The following PSD3 variants were observed in gnomAD, a reference collection of about 807,000 sequenced individuals.
PSD3 encodes the protein pleckstrin and Sec7 domain containing 3, also known as PH and SEC7 domain-containing protein 3.
A neutral mutation model predicts 105.5 loss-of-function variants in PSD3; 49 were observed. The observed-to-expected ratio is 0.46, with a 90% CI of 0.37 to 0.59. The LOEUF (loss-of-function observed/expected upper bound fraction) is 0.59. PSD3 is among the 20% of genes least tolerant of loss of function. The pLI is 0.00. For synonymous variants in PSD3, 557 were observed against 457.8 expected, an observed-to-expected ratio of 1.22 and a Z score of -2.77; for missense variants, 1,561 against 1,263.8, an observed-to-expected ratio of 1.24 and a Z score of -3.57.
chr8:18,882,822 A>G lies in PSD3; in HGVS notation c.131-10089T>C, dbSNP rs371855922. On this transcript the variant is annotated intron_variant, in intron 2 of 15. Coordinates refer to ENST00000327040, the MANE Select transcript of PSD3 (RefSeq NM_015310.4). ...CAGATATATGGATATATATATACAT[A>G]TATATAGCTTATGTAGATATATATA... Among the ~76,000 whole-genome samples, 86 of 147,312 alleles carry G rather than the reference A, an allele frequency of 5.8e-4. 2 individuals carry two copies. The South Asian group carries it at 0.017, about 29-fold the overall frequency.
intron 9 of PSD3, among the ~76,000 whole-genome samples, chr8:18,727,919 C>T (rs1264567877): frequency 2.0e-5 from 3 of 152,038 alleles, no homozygotes; most frequent in Non-Finnish European, 2.9e-5. Context: ...TATATTTAAC[C>T]CATTTTTATC....
intron 8 of PSD3, among the ~76,000 whole-genome samples, chr8:18,779,796 G>A (rs185310657): frequency 5.3e-5 from 8 of 152,064 alleles, no homozygotes; most frequent in African/African-American, 1.7e-4. Context: ...GAGAAGATAC[G>A]TGATATTATT....
chr8:18,779,899 C>T (rs1210428964), intron 8 of PSD3, among the ~76,000 whole-genome samples: 2 of 152,154 alleles, frequency 1.3e-5, no homozygotes, highest in Non-Finnish European at 2.9e-5. Flanking sequence ...TGTTCTGTAG[C>T]TGTTGGACAA....
chr8:18,927,620 T>G (rs999305621), intron 2 of PSD3, among the ~76,000 whole-genome samples: 3 of 152,238 alleles, frequency 2.0e-5, no homozygotes, highest in Non-Finnish European at 4.4e-5. Flanking sequence ...ACTGCTGCTG[T>G]GTAGCCACTG....
chr8:18,862,027 C>T (rs562118402), intron 4 of PSD3, among the ~76,000 whole-genome samples: 1 of 152,298 alleles, frequency 6.6e-6, no homozygotes, highest in Non-Finnish European at 1.5e-5. Flanking sequence ...GGGTCCGATG[C>T]AGGACTTCTG....
At chr8:18,621,002 T>C (rs1346807278) in intron 11 of PSD3, among the ~76,000 whole-genome samples, 1 of 152,222 alleles carries the variant, frequency 6.6e-6, no homozygotes, top group Admixed American at 6.5e-5. Flanking sequence ...AAAAATCACA[T>C]GCACAGTGAA....
At chr8:18,951,085 A>T (rs1202297331) in intron 1 of PSD3, among the ~76,000 whole-genome samples, 1 of 152,136 alleles carries the variant, frequency 6.6e-6, no homozygotes, top group Non-Finnish European at 1.5e-5. Context: ...CTGGAACTAT[A>T]TGAGTATACA....
Position 18,872,587 on chromosome 8 carries a change from C to T in PSD3, c.277G>A (p.Gly93Ser). 1 of 1,614,014 alleles carries T rather than the reference C, an allele frequency of 6.2e-7. No individual in the cohort carries two copies. Among genetic ancestry groups the T allele is most frequent in the East Asian group, 2.2e-5 (1 of 44,860 alleles). Residue 93 changes from glycine to serine, a missense_variant, in exon 3 of 16, where the codon GGT (glycine) becomes AGT (serine). Coordinates refer to ENST00000327040, the MANE Select transcript of PSD3 (RefSeq NM_015310.4). ...TGGCAGCCAGTAAGAGGCTGGACAC[C>T]CTGCTGCTCTTGTGGGTGGCATGGC... ...ALPCHPQEQQ[G>S]VQPLTGCHSG...
chr8:19,039,662 C>T (rs1273371962), intron 1 of PSD3, among the ~76,000 whole-genome samples: 2 of 152,200 alleles, frequency 1.3e-5, no homozygotes, highest in African/African-American at 4.8e-5. Flanking sequence ...TTGCATCATT[C>T]TTTCAATAAC....
chr8:19,083,831 T>C (rs6651480), intron 1 of PSD3, among the ~76,000 whole-genome samples: 79,028 of 151,916 alleles, frequency 0.52, 22,859 homozygotes, highest in East Asian at 0.86. Context: ...GTGGTTAAGA[T>C]GAGTAAGGGG....
chr8:18,790,403 T>A (rs940049001), intron 8 of PSD3, among the ~76,000 whole-genome samples: 1 of 151,038 alleles, frequency 6.6e-6, no homozygotes, highest in Non-Finnish European at 1.5e-5. Flanking sequence ...CCAAGGTTCA[T>A]GCCATTCTCC....
intron 11 of PSD3, among the ~76,000 whole-genome samples, chr8:18,631,270 T>G (rs1018907223): frequency 6.6e-6 from 1 of 152,002 alleles, no homozygotes; most frequent in Non-Finnish European, 1.5e-5. Context: ...TATCTATTGC[T>G]TTGTGTGCCA....
rs773567567 is a variant in PSD3, at chr8:18,867,710, T to C, written c.1598A>G (p.Tyr533Cys). 6.2e-7 allele frequency: 1 copy of C among 1,613,980 alleles called. No homozygotes were observed. Among genetic ancestry groups the C allele is most frequent in the Non-Finnish European group, 8.5e-7 (1 of 1,179,902 alleles). Residue 533 changes from tyrosine (Y) to cysteine (C), a missense_variant, in exon 4 of 16, where the codon TAC (tyrosine) becomes TGC (cysteine). Tyr to Cys is a radical substitution (Grantham distance 194). Coordinates refer to ENST00000327040, the MANE Select transcript of PSD3 (RefSeq NM_015310.4). The part of the protein sequence containing the change: ...NGLNDASDSI[Y>C]TKGTPEIAFW... ...AGCAATCTCCGGGGTGCCTTTCGTGTAGATGGAGTCGCTGGCATCATTCAG... is the reference window on the plus strand; with the variant it reads ...AGCAATCTCCGGGGTGCCTTTCGTGCAGATGGAGTCGCTGGCATCATTCAG...
chr8:18,572,691 T>C lies in PSD3; in HGVS notation c.2640-19A>G. On this transcript the variant is annotated intron_variant, in intron 13 of 15. Transcript: ENST00000327040. ...TGGGCTCCTATGAGAAATAGATATG[T>C]TTATATCAGGATATTGCCATGTCTA... The C allele has an allele frequency of 6.2e-7, 1 of 1,611,304 alleles. No homozygotes were observed. Among genetic ancestry groups the C allele is most frequent in the Non-Finnish European group, 8.5e-7 (1 of 1,177,958 alleles).
At chr8:18,662,772 T>A (rs750962526) in intron 9 of PSD3, among the ~76,000 whole-genome samples, 1 of 152,212 alleles carries the variant, frequency 6.6e-6, no homozygotes. Flanking sequence ...CCTTTTCCTG[T>A]GTTCCTCACT....
In PSD3 at chr8:18,604,727, AGGGCACTGCTGCCCTGTGAAGCCTCG is replaced by A. The variant is rs1430828408; in HGVS notation, c.2411-4319_2411-4294del. The stretch of plus-strand genomic sequence containing the variant: ...AAGAATGGTTTCATGGGCCAGAGCC[AGGGCACTGCTGCCCTGTGAAGCCTCG>A]GGACACTGCTCCTTGCATCCCAGCT... On this transcript the variant is annotated intron_variant, in intron 11 of 15. Coordinates refer to ENST00000327040, the MANE Select transcript of PSD3 (RefSeq NM_015310.4). 9.2e-5 allele frequency among the ~76,000 whole-genome samples: 14 copies of A among 152,318 alleles called. No homozygotes were observed. In the East Asian group the frequency reaches 2.5e-3, roughly 27 times the overall value.
chr8:18,778,378 G>C (rs1808293375), intron 8 of PSD3, among the ~76,000 whole-genome samples: 1 of 151,966 alleles, frequency 6.6e-6, no homozygotes, highest in Admixed American at 6.6e-5. Flanking sequence ...GAGTCTTTAG[G>C]TTCTTCTATA....
chr8:18,749,622 C>G (rs915958804), intron 9 of PSD3, among the ~76,000 whole-genome samples: 5 of 152,024 alleles, frequency 3.3e-5, no homozygotes, highest in Admixed American at 6.6e-5. Context: ...TGTAATCACA[C>G]AAGACCTTCA....
intron 14 of PSD3, among the ~76,000 whole-genome samples, chr8:18,560,846 T>C (rs1329000282): frequency 6.6e-6 from 1 of 152,202 alleles, no homozygotes; most frequent in Non-Finnish European, 1.5e-5. Flanking sequence ...TTAATCCTCA[T>C]TGTGTAGTAT....
Sources: gnomAD v4.1 joint callset for allele counts (sites outside exome capture counted in the v4.1 genomes callset) on GRCh38, gnomAD v4.1.1 for gene constraint, MANE v1.5 for transcripts, NCBI Gene and HGNC (gene_info 2026-07-23, HGNC 2026-07-21) for gene names.